The following EML4 variants were observed in gnomAD, a reference collection of about 807,000 sequenced individuals.
The protein encoded by EML4 is echinoderm microtubule-associated protein-like 4.
A neutral mutation model predicts 129.0 loss-of-function variants in EML4; 72 were observed. That is an observed-to-expected ratio of 0.56 (90% CI 0.46 to 0.68). The LOEUF (loss-of-function observed/expected upper bound fraction) is 0.68, where lower values mean the gene tolerates loss of function less well. EML4 is among the 30% of genes least tolerant of loss of function. The pLI is 0.00. For synonymous variants in EML4, 532 were observed against 405.0 expected (o/e 1.31, Z -3.77); for missense variants, 1,363 against 1,190.6 (o/e 1.14, Z -2.13).
intron 1 of EML4, among the ~76,000 whole-genome samples, chr2:42,231,532 A>C (rs1674346153): frequency 6.6e-6 from 1 of 152,160 alleles, no homozygotes; most frequent in African/African-American, 2.4e-5. Flanking sequence ...CTATCAGTGC[A>C]TGTTATTGAA....
intron 6 of EML4, among the ~76,000 whole-genome samples, chr2:42,266,668 A>G (rs1198652154): frequency 2.0e-5 from 3 of 151,196 alleles, no homozygotes; most frequent in African/African-American, 7.3e-5. Flanking sequence ...TTTTTTTTTA[A>G]ATAGAGTCGG....
intron 2 of EML4, 126 bp downstream of exon 2, chr2:42,245,813 GT>G: frequency 2.2e-6 from 2 of 923,006 alleles, no homozygotes; most frequent in African/African-American, 1.7e-5. Flanking sequence ...TTTCCATTTC[GT>G]TTTTTTAATT....
At chr2:42,264,920 A>G in intron 6 of EML4, 189 bp downstream of exon 6, 1 of 1,550,432 alleles carries the variant, frequency 6.4e-7, no homozygotes. Flanking sequence ...CTCAACCAGC[A>G]AAAATGTCAA....
chr2:42,231,914 A>G (rs1257693332), intron 1 of EML4, among the ~76,000 whole-genome samples: 6 of 152,102 alleles, frequency 3.9e-5, no homozygotes, highest in South Asian at 2.1e-4. Context: ...AAGCCACTGC[A>G]TTCCAGCCTG....
At chr2:42,256,803 CTCA>C (rs1676183513) in intron 3 of EML4, among the ~76,000 whole-genome samples, 173 bp downstream of exon 3, 2 of 152,230 alleles carry the variant, frequency 1.3e-5, no homozygotes, top group African/African-American at 4.8e-5. Flanking sequence ...TCAGCTTGCA[CTCA>C]TCATGCCTGT....
intron 1 of EML4, among the ~76,000 whole-genome samples, chr2:42,186,704 C>T (rs1572845544): frequency 6.6e-6 from 1 of 152,120 alleles, no homozygotes; most frequent in Admixed American, 6.6e-5. Flanking sequence ...TCTCACAGTC[C>T]TTTGTTTTAA....
chr2:42,200,781 A>C (rs1201453088), intron 1 of EML4, among the ~76,000 whole-genome samples: 1 of 152,172 alleles, frequency 6.6e-6, no homozygotes, highest in Admixed American at 6.5e-5. Context: ...TAGTCTTGGC[A>C]TGCCTTCTAT....
intron 16 of EML4, 25 bp downstream of exon 16, chr2:42,303,471 T>G: frequency 6.2e-7 from 1 of 1,607,796 alleles, no homozygotes; most frequent in South Asian, 1.1e-5. Flanking sequence ...ATGTGATTAT[T>G]AACCTCCCCA....
rs1667085941 is a variant in EML4, at chr2:42,282,846, G to A, written c.815G>A (p.Cys272Tyr). Residue 272 changes from cysteine to tyrosine, a missense_variant, in exon 8 of 23, where the codon TGT becomes TAT. Coordinates refer to ENST00000318522, the MANE Select transcript of EML4 (RefSeq NM_019063.5). ...EWAYGYRGKD[C>Y]RANVYLLPTG... ...AGATATGGTTATCGAGGAAAGGACT[G>A]TAGAGCTAATGTTTACCTTCTTCCG... is the stretch of plus-strand genomic sequence containing the variant. The A allele has an allele frequency of 1.2e-6, 2 of 1,612,840 alleles. No homozygotes were observed. Among genetic ancestry groups the A allele is most frequent in the South Asian group, 1.1e-5 (1 of 91,014 alleles).
intron 1 of EML4, among the ~76,000 whole-genome samples, chr2:42,172,589 T>G (rs1670344913): frequency 6.6e-6 from 1 of 152,182 alleles, no homozygotes; most frequent in African/African-American, 2.4e-5. Flanking sequence ...GAATTTCCCT[T>G]AGGTATTATT....
chr2:42,274,650 A>T lies in EML4; in HGVS notation c.668-6200A>T, dbSNP rs905428439. 3.3e-5 allele frequency among the ~76,000 whole-genome samples: 5 copies of T among 152,210 alleles called. No homozygotes were observed. The East Asian group carries it at 7.7e-4, about 23-fold the overall frequency. ...CTTTAAAAACCATTATTTATACGTGAGTATGAACCATTTTGAAAATATGGC... is the reference window on the plus strand; with the variant it reads ...CTTTAAAAACCATTATTTATACGTGTGTATGAACCATTTTGAAAATATGGC... On this transcript the variant is annotated intron_variant, in intron 6 of 22. Coordinates refer to ENST00000318522, the MANE Select transcript of EML4 (RefSeq NM_019063.5).
chr2:42,225,146 C>T (rs1331400502), intron 1 of EML4, among the ~76,000 whole-genome samples: 7 of 152,110 alleles, frequency 4.6e-5, no homozygotes, highest in African/African-American at 1.7e-4. Context: ...TTTTGTTTAT[C>T]CATTCATGTG....
chr2:42,331,380 C>G lies in EML4; in HGVS notation c.*1173C>G. 1 of 224,932 alleles carries G rather than the reference C, an allele frequency of 4.4e-6. No individual in the cohort carries two copies. The highest frequency in any genetic ancestry group is 8.9e-6 in the Non-Finnish European group (1 of 112,620). The allele number at this position is 224,932 out of a possible 1,614,324, so 13.9% of individuals were successfully genotyped here. A position where few individuals can be genotyped will look rare whatever the true frequency, so the allele number is the denominator to read the frequency against. On this transcript the variant is annotated 3_prime_UTR_variant, in exon 23 of 23. Coordinates refer to ENST00000318522, the MANE Select transcript of EML4 (RefSeq NM_019063.5). ...AATGTGGCTATCCTACTCTTTTGGGCAATGCATGTATTATGCATTGGAAAG... is the reference window on the plus strand; with the variant it reads ...AATGTGGCTATCCTACTCTTTTGGGGAATGCATGTATTATGCATTGGAAAG...
chr2:42,190,089 T>A (rs1448273715), intron 1 of EML4, among the ~76,000 whole-genome samples: 1 of 152,122 alleles, frequency 6.6e-6, no homozygotes, highest in Non-Finnish European at 1.5e-5. Context: ...AGGCAAGATT[T>A]GTTAAAAGAA....
chr2:42,271,081 A>G (rs968401040), intron 6 of EML4, among the ~76,000 whole-genome samples: 1 of 152,034 alleles, frequency 6.6e-6, no homozygotes, highest in Non-Finnish European at 1.5e-5. Flanking sequence ...TTTAGTAGAG[A>G]CAAGGTTTCG....
intron 1 of EML4, among the ~76,000 whole-genome samples, chr2:42,221,722 G>A (rs993935346): frequency 1.3e-5 from 2 of 151,984 alleles, no homozygotes; most frequent in African/African-American, 4.8e-5. Flanking sequence ...TCCTGCCTCA[G>A]CCTCCTCGGT....
At chr2:42,321,989 A>C (rs533662313) in intron 19 of EML4, among the ~76,000 whole-genome samples, 1 of 152,328 alleles carries the variant, frequency 6.6e-6, no homozygotes, top group East Asian at 1.9e-4. Flanking sequence ...AAACTTCTCT[A>C]AGTTTGATAT....
chr2:42,171,304 A>G (rs905383615), intron 1 of EML4, among the ~76,000 whole-genome samples: 1 of 152,206 alleles, frequency 6.6e-6, no homozygotes, highest in Non-Finnish European at 1.5e-5. Flanking sequence ...TGCTATCTTT[A>G]TACTGTATTG....
At chr2:42,226,920 GCTTA>G (rs1181200803) in intron 1 of EML4, among the ~76,000 whole-genome samples, 1 of 151,860 alleles carries the variant, frequency 6.6e-6, no homozygotes, top group Non-Finnish European at 1.5e-5. Context: ...TAAAAGAACT[GCTTA>G]CTTCTAGAAA....
Sources: gnomAD v4.1 joint callset for allele counts (sites outside exome capture counted in the v4.1 genomes callset) on GRCh38, gnomAD v4.1.1 for gene constraint, MANE v1.5 for transcripts, NCBI Gene and HGNC (gene_info 2026-07-23, HGNC 2026-07-21) for gene names.